SSH2: variants seen among roughly 807,000 people sequenced by gnomAD.
SSH2 encodes the protein slingshot protein phosphatase 2.
In SSH2, 37 loss-of-function variants were observed where a neutral mutation model predicts 135.2. The ratio of observed to expected loss-of-function variants is 0.27; its 90% CI spans 0.21 to 0.36. SSH2 has a LOEUF of 0.36. SSH2 is among the 10% of genes least tolerant of loss of function. The pLI is 1.00. For synonymous variants in SSH2, 628 were observed against 646.2 expected, an observed-to-expected ratio of 0.97 and a Z score of 0.43; for missense variants, 1,408 against 1,765.3, an observed-to-expected ratio of 0.80 and a Z score of 3.63.
intron 2 of SSH2, among the ~76,000 whole-genome samples, chr17:29,812,975 T>A (rs1255974522): frequency 6.6e-6 from 1 of 151,438 alleles, no homozygotes; most frequent in Non-Finnish European, 1.5e-5. Flanking sequence ...GAAGAAAAAA[T>A]AAAAATAAAA....
chr17:29,685,092 TATAATATGGAGCAAACTATTAGCATC>T (rs1247701248), intron 5 of SSH2, among the ~76,000 whole-genome samples: 3 of 152,176 alleles, frequency 2.0e-5, no homozygotes, highest in African/African-American at 7.2e-5. Context: ...CACAAACAAT[TATAATATGGAGCAAACTATTAGCATC>T]ATCTAAGGGG....
intron 2 of SSH2, among the ~76,000 whole-genome samples, chr17:29,848,116 G>A (rs1204500455): frequency 1.3e-5 from 2 of 152,120 alleles, no homozygotes; most frequent in African/African-American, 4.8e-5. Flanking sequence ...CCCAGTTTGG[G>A]GGATTATCTG....
intron 3 of SSH2, among the ~76,000 whole-genome samples, chr17:29,748,922 A>G (rs1478605905): frequency 6.6e-6 from 1 of 152,220 alleles, no homozygotes; most frequent in African/African-American, 2.4e-5. Context: ...CAAGCCTAGC[A>G]ATATGTTAAA....
intron 14 of SSH2, among the ~76,000 whole-genome samples, chr17:29,642,090 G>A (rs1212252521): frequency 6.6e-6 from 1 of 152,090 alleles, no homozygotes; most frequent in Non-Finnish European, 1.5e-5. Context: ...CGCCCAAGAT[G>A]CTTTAAGATT....
intron 1 of SSH2, among the ~76,000 whole-genome samples, chr17:29,920,436 T>A (rs1194813199): frequency 6.6e-6 from 1 of 152,238 alleles, no homozygotes; most frequent in African/African-American, 2.4e-5. Flanking sequence ...GCATGCAATT[T>A]AATAAATACT....
At chr17:29,726,043 G>A (rs928582108) in intron 3 of SSH2, among the ~76,000 whole-genome samples, 3 of 152,202 alleles carry the variant, frequency 2.0e-5, no homozygotes, top group Non-Finnish European at 4.4e-5. Context: ...ATGACAAGGT[G>A]CACTGCTGTT....
chr17:29,687,789 C>T (rs1174347902), intron 5 of SSH2, among the ~76,000 whole-genome samples: 1 of 152,174 alleles, frequency 6.6e-6, no homozygotes, highest in Non-Finnish European at 1.5e-5. Flanking sequence ...GAATTTCTGG[C>T]AAGGCTCAAA....
chr17:29,704,404 C>CA (rs1410928781), intron 3 of SSH2, among the ~76,000 whole-genome samples: 7 of 152,008 alleles, frequency 4.6e-5, no homozygotes, highest in African/African-American at 9.7e-5. Context: ...AGTAACTATT[C>CA]AAAATACAAT....
chr17:29,732,486 T>C (rs1334353526), intron 3 of SSH2, among the ~76,000 whole-genome samples: 1 of 152,224 alleles, frequency 6.6e-6, no homozygotes, highest in African/African-American at 2.4e-5. Context: ...TTTTTTGGTC[T>C]AGTGCAAAAA....
chr17:29,786,363 T>C (rs918095152), intron 3 of SSH2, among the ~76,000 whole-genome samples: 1 of 152,228 alleles, frequency 6.6e-6, no homozygotes, highest in Non-Finnish European at 1.5e-5. Context: ...TCTTCCTTTG[T>C]GAAACCTGGG....
intron 1 of SSH2, among the ~76,000 whole-genome samples, chr17:29,852,890 T>C (rs983825265): frequency 2.0e-5 from 3 of 151,848 alleles, no homozygotes; most frequent in Non-Finnish European, 4.4e-5. Flanking sequence ...TTCCGGGTTC[T>C]GCAGAGTGAA....
chr17:29,687,430 T>A (rs1986555), intron 5 of SSH2, among the ~76,000 whole-genome samples: 60,764 of 152,146 alleles, frequency 0.4, 14,605 homozygotes, highest in East Asian at 0.68. Flanking sequence ...TCATGTTCCA[T>A]GAAGTAATTG....
chr17:29,914,824 AC>A (rs2066853972), intron 1 of SSH2, among the ~76,000 whole-genome samples: 2 of 152,192 alleles, frequency 1.3e-5, no homozygotes, highest in Admixed American at 6.5e-5. Flanking sequence ...TGACTTCATT[AC>A]CATTACCAAG....
chr17:29,915,130 A>G (rs1161109731), intron 1 of SSH2, among the ~76,000 whole-genome samples: 1 of 152,198 alleles, frequency 6.6e-6, no homozygotes, highest in Non-Finnish European at 1.5e-5. Context: ...TTTTTTCAGT[A>G]CTCAAAGAAG....
chr17:29,733,951 C>T (rs1015746513), intron 3 of SSH2, among the ~76,000 whole-genome samples: 3 of 148,118 alleles, frequency 2.0e-5, no homozygotes, highest in Non-Finnish European at 1.5e-5. Context: ...CACTCTGTCG[C>T]CCAGGCTAGA....
At chr17:29,793,189 A>T (rs2042100923) in intron 3 of SSH2, among the ~76,000 whole-genome samples, 1 of 152,104 alleles carries the variant, frequency 6.6e-6, no homozygotes, top group Admixed American at 6.5e-5. Context: ...ATGTTATTTT[A>T]TACTTCCTAG....
chr17:29,705,893 T>C (rs987455730), intron 3 of SSH2, among the ~76,000 whole-genome samples: 1 of 152,218 alleles, frequency 6.6e-6, no homozygotes, highest in African/African-American at 2.4e-5. Context: ...CTTCAGAATA[T>C]TTATCATAAA....
At chr17:29,635,920 C>T in intron 15 of SSH2, 48 bp downstream of exon 15, 1 of 1,381,920 alleles carries the variant, frequency 7.2e-7, no homozygotes, top group African/African-American at 1.4e-5. Context: ...AATAATTTAC[C>T]TTTGAAGAGA....
intron 3 of SSH2, among the ~76,000 whole-genome samples, chr17:29,764,011 G>A (rs2628186): frequency 0.44 from 66,644 of 150,292 alleles, 15,128 homozygotes; most frequent in Non-Finnish European, 0.48. Flanking sequence ...GTGCAATGGC[G>A]CGATCTCAGC....
Sources: allele counts gnomAD v4.1 joint callset (sites outside exome capture counted in the v4.1 genomes callset), GRCh38; gene constraint gnomAD v4.1.1; transcripts MANE v1.5; gene names NCBI Gene and HGNC (gene_info 2026-07-23, HGNC 2026-07-21).